The following MYO3B variants were observed in gnomAD, a reference collection of about 807,000 sequenced individuals.
The protein encoded by MYO3B is myosin-IIIb.
Under a neutral mutation model 174.6 loss-of-function variants are expected in MYO3B, and 156 were observed. The ratio of observed to expected loss-of-function variants is 0.89; its 90% CI spans 0.78 to 1.02. MYO3B has a LOEUF of 1.02. Among genes scored for constraint, MYO3B ranks in the 50% least tolerant of loss-of-function variants. The pLI is 0.00. For synonymous variants in MYO3B, 563 were observed against 569.1 expected (o/e 0.99, Z 0.15); for missense variants, 1,632 against 1,639.4 (o/e 1.00, Z 0.08).
chr2:170,630,849 G>C (rs1359211790), intron 32 of MYO3B, among the ~76,000 whole-genome samples: 1 of 152,178 alleles, frequency 6.6e-6, no homozygotes, highest in African/African-American at 2.4e-5. Context: ...AAACACAAAG[G>C]AGTAGCATCA....
chr2:170,445,705 T>G (rs1219529059), intron 23 of MYO3B, among the ~76,000 whole-genome samples: 2 of 152,054 alleles, frequency 1.3e-5, no homozygotes, highest in African/African-American at 4.8e-5. Context: ...CATGATCATA[T>G]CTCACTGTAA....
At chr2:170,535,421 A>T (rs1263330427) in intron 30 of MYO3B, among the ~76,000 whole-genome samples, 1 of 152,216 alleles carries the variant, frequency 6.6e-6, no homozygotes, top group Non-Finnish European at 1.5e-5. Flanking sequence ...GCCAGGGTTT[A>T]TACCTCCAGA....
At chr2:170,509,069 A>G (rs973226056) in intron 28 of MYO3B, among the ~76,000 whole-genome samples, 11 of 152,170 alleles carry the variant, frequency 7.2e-5, no homozygotes, top group African/African-American at 2.7e-4. Flanking sequence ...TAATGCTGTA[A>G]CTTCAGGCCG....
chr2:170,212,757 C>T (rs1284323933), intron 3 of MYO3B, among the ~76,000 whole-genome samples: 1 of 152,212 alleles, frequency 6.6e-6, no homozygotes, highest in Non-Finnish European at 1.5e-5. Flanking sequence ...CTGCATAAGG[C>T]GTGAATTCCC....
rs759814457 is a variant in MYO3B, at chr2:170,310,518, G to T, written c.750-24867G>T. On this transcript the variant is annotated intron_variant, in intron 7 of 34. Transcript: ENST00000408978. Reference sequence around the variant, plus strand: ...TCTCTACTAAAAATACAAAAAATTAGCTGGGCATGTTGGTGGGCACCTGTA... The same window carrying T: ...TCTCTACTAAAAATACAAAAAATTATCTGGGCATGTTGGTGGGCACCTGTA... 7.9e-5 allele frequency among the ~76,000 whole-genome samples: 12 copies of T among 151,990 alleles called. No individual in the cohort carries two copies. The Middle Eastern group carries it at 0.014, about 172-fold the overall frequency.
At position 170,199,403 on chromosome 2, in the gene MYO3B, T is replaced by C. The variant is rs1395192786; in HGVS notation, c.186+12T>C. 4 of 1,566,808 alleles carry C rather than the reference T, an allele frequency of 2.6e-6. No individual in the cohort carries two copies. Among genetic ancestry groups the C allele is most frequent in the Non-Finnish European group, 2.6e-6 (3 of 1,156,522 alleles). ...TGGATCCAGTCAGTGTAAGTAACAGTTGTAAATTATAACCAGAATTTGGTG... is the reference window on the plus strand; with the variant it reads ...TGGATCCAGTCAGTGTAAGTAACAGCTGTAAATTATAACCAGAATTTGGTG... On this transcript the variant is annotated intron_variant, in intron 2 of 34. Transcript: ENST00000408978.
At chr2:170,511,905 AGAAAT>A (rs1486187039) in intron 28 of MYO3B, among the ~76,000 whole-genome samples, 1 of 152,226 alleles carries the variant, frequency 6.6e-6, no homozygotes, top group Admixed American at 6.5e-5. Flanking sequence ...ATTTTAAGAA[AGAAAT>A]CCTGAAGCTG....
At chr2:170,267,155 T>A (rs2093390192) in intron 7 of MYO3B, among the ~76,000 whole-genome samples, 1 of 12,362 alleles carries the variant, frequency 8.1e-5, no homozygotes, top group African/African-American at 9.0e-5. Flanking sequence ...GGGGGTAGGG[T>A]GGGAATTGGG....
intron 7 of MYO3B, among the ~76,000 whole-genome samples, chr2:170,305,957 A>G (rs2093698155): frequency 6.6e-6 from 1 of 152,164 alleles, no homozygotes; most frequent in African/African-American, 2.4e-5. Flanking sequence ...GTCAGGAATC[A>G]GGGCAGAGCT....
intron 32 of MYO3B, among the ~76,000 whole-genome samples, chr2:170,570,866 C>T (rs1692395861): frequency 6.6e-6 from 1 of 152,024 alleles, no homozygotes; most frequent in Admixed American, 6.6e-5. Context: ...CCCAGCAACC[C>T]TCTTTGAGCC....
chr2:170,644,607 G>C (rs1276243756), intron 32 of MYO3B: 2 of 152,194 alleles, frequency 1.3e-5, no homozygotes, highest in Non-Finnish European at 2.9e-5. Flanking sequence ...ACCCAGCCAT[G>C]TCCTCCATTT....
At chr2:170,578,579 A>G (rs1692938283) in intron 32 of MYO3B, among the ~76,000 whole-genome samples, 1 of 152,350 alleles carries the variant, frequency 6.6e-6, no homozygotes, top group East Asian at 1.9e-4. Context: ...TTTAATTACT[A>G]CTAAAATTTA....
intron 32 of MYO3B, among the ~76,000 whole-genome samples, chr2:170,555,914 G>A (rs1329047991): frequency 1.3e-5 from 2 of 151,696 alleles, no homozygotes; most frequent in African/African-American, 2.4e-5. Context: ...CCTCCATGTC[G>A]GCTGGGTGTG....
At chr2:170,413,133 A>G (rs1172888162) in intron 22 of MYO3B, among the ~76,000 whole-genome samples, 1 of 152,212 alleles carries the variant, frequency 6.6e-6, no homozygotes, top group Non-Finnish European at 1.5e-5. Context: ...GAAGCAATAT[A>G]ACAACTATAT....
intron 32 of MYO3B, among the ~76,000 whole-genome samples, chr2:170,547,284 C>T (rs1399476441): frequency 2.0e-5 from 3 of 150,790 alleles, no homozygotes; most frequent in Non-Finnish European, 3.0e-5. Context: ...GAGCCGAGAT[C>T]GCGCCACTGT....
intron 23 of MYO3B, among the ~76,000 whole-genome samples, chr2:170,447,737 G>A (rs1683314151): frequency 6.6e-6 from 1 of 152,220 alleles, no homozygotes; most frequent in African/African-American, 2.4e-5. Flanking sequence ...TGGCTGCGCA[G>A]GAGACCAGAG....
chr2:170,581,580 C>CT (rs201074334), intron 32 of MYO3B, among the ~76,000 whole-genome samples: 6,525 of 150,834 alleles, frequency 0.043, 186 homozygotes, highest in Middle Eastern at 0.082. Flanking sequence ...AAGTTTTAAT[C>CT]TTTTTTTTTC....
chr2:170,304,455 C>T (rs1299432847), intron 7 of MYO3B, among the ~76,000 whole-genome samples: 10 of 146,784 alleles, frequency 6.8e-5, no homozygotes, highest in South Asian at 2.2e-4. Flanking sequence ...ATTTTTTTTT[C>T]TTTTTTCTTT....
chr2:170,383,185 C>T lies in MYO3B; in HGVS notation c.1181C>T (p.Pro394Leu). The change falls in exon 11 of 35, where the codon CCA becomes CTA. Residue 394 changes from proline (P) to leucine (L), a missense_variant. Pro to Leu is a moderately conservative substitution (Grantham distance 98). Transcript: ENST00000408978. ...NPFQNLSIYS[P>L]QFSRLYHGVK... Reference sequence around the variant, plus strand: ...TTCCAGAATCTAAGCATATACTCTCCACAGGTAAGGGATGTTTTAAGAGCA... The same window carrying T: ...TTCCAGAATCTAAGCATATACTCTCTACAGGTAAGGGATGTTTTAAGAGCA... 3 of 1,573,572 alleles carry T rather than the reference C, an allele frequency of 1.9e-6. No individual in the cohort carries two copies. The highest frequency in any genetic ancestry group is 2.6e-6 in the Non-Finnish European group (3 of 1,143,624).
Sources: gnomAD v4.1 joint callset for allele counts (sites outside exome capture counted in the v4.1 genomes callset) on GRCh38, gnomAD v4.1.1 for gene constraint, MANE v1.5 for transcripts, NCBI Gene and HGNC (gene_info 2026-07-23, HGNC 2026-07-21) for gene names.